Variants in MDGA2 observed in about 807,000 individuals in gnomAD.
The protein encoded by MDGA2 is MAM domain containing glycosylphosphatidylinositol anchor 2, also known as MAM domain-containing glycosylphosphatidylinositol anchor protein 2.
Under a neutral mutation model 117.8 loss-of-function variants are expected in MDGA2, and 40 were observed. That is an observed-to-expected ratio of 0.34 (90% CI 0.26 to 0.44). The LOEUF (loss-of-function observed/expected upper bound fraction) is 0.44, where lower values mean the gene tolerates loss of function less well. Among genes scored for constraint, MDGA2 ranks in the 20% least tolerant of loss-of-function variants. The probability of loss-of-function intolerance (pLI) is 1.00; values close to 1 mark genes in which losing one functional copy is unlikely to be tolerated. For synonymous variants in MDGA2, 452 were observed against 439.0 expected (o/e 1.03, Z -0.37); for missense variants, 1,123 against 1,250.6 (o/e 0.90, Z 1.54).
intron 14 of MDGA2, among the ~76,000 whole-genome samples, chr14:46,869,758 A>G (rs1881924863): frequency 6.6e-6 from 1 of 151,836 alleles, no homozygotes; most frequent in East Asian, 1.9e-4. Context: ...CTGGGCATGC[A>G]TTCTCTCTCT....
chr14:47,433,458 C>T (rs938793066), intron 1 of MDGA2, among the ~76,000 whole-genome samples: 1 of 152,114 alleles, frequency 6.6e-6, no homozygotes, highest in Admixed American at 6.6e-5. Context: ...TTTAAAATCA[C>T]TGTGAAAAAT....
chr14:47,435,414 A>G (rs1892877270), intron 1 of MDGA2, among the ~76,000 whole-genome samples: 1 of 151,982 alleles, frequency 6.6e-6, no homozygotes, highest in South Asian at 2.1e-4. Flanking sequence ...GATTGTGCAC[A>G]TTTTCACCTG....
At chr14:47,239,650 C>CCT (rs1886974664) in intron 2 of MDGA2, among the ~76,000 whole-genome samples, 1 of 151,740 alleles carries the variant, frequency 6.6e-6, no homozygotes, top group Non-Finnish European at 1.5e-5. Context: ...GGCTATTTTA[C>CCT]TATTACATTT....
At chr14:46,891,046 CAAAG>C (rs1170384206) in intron 10 of MDGA2, among the ~76,000 whole-genome samples, 3 of 151,976 alleles carry the variant, frequency 2.0e-5, no homozygotes, top group Middle Eastern at 3.5e-3. Context: ...AAGATGAAAA[CAAAG>C]ACTGTCATTT....
intron 3 of MDGA2, among the ~76,000 whole-genome samples, chr14:47,200,281 C>T (rs1404730538): frequency 6.6e-6 from 1 of 151,640 alleles, no homozygotes; most frequent in African/African-American, 2.4e-5. Context: ...TTATTTTTTG[C>T]TGAAGTAAAA....
At chr14:47,460,411 A>C (rs1893457622) in intron 1 of MDGA2, among the ~76,000 whole-genome samples, 1 of 152,154 alleles carries the variant, frequency 6.6e-6, no homozygotes, top group Admixed American at 6.6e-5. Flanking sequence ...AAACATAAGC[A>C]CTGTATTACA....
intron 3 of MDGA2, among the ~76,000 whole-genome samples, chr14:47,184,565 A>G (rs1884837743): frequency 1.3e-5 from 2 of 151,846 alleles, no homozygotes; most frequent in South Asian, 2.1e-4. Flanking sequence ...CAACATTTGC[A>G]TTTTTCAGAG....
At chr14:47,272,069 A>T (rs1566713851) in intron 2 of MDGA2, among the ~76,000 whole-genome samples, 1 of 152,058 alleles carries the variant, frequency 6.6e-6, no homozygotes, top group Non-Finnish European at 1.5e-5. Context: ...AATGCTTAGC[A>T]TTTTTTTTCT....
At chr14:47,084,808 T>C (rs1162245231) in intron 6 of MDGA2, among the ~76,000 whole-genome samples, 1 of 152,146 alleles carries the variant, frequency 6.6e-6, no homozygotes, top group African/African-American at 2.4e-5. Flanking sequence ...GCCAGAAGTG[T>C]GTCCTCACTA....
chr14:47,426,183 G>C lies in MDGA2; in HGVS notation c.281-124633C>G, dbSNP rs899693716. Among the ~76,000 whole-genome samples, 6 of 152,228 alleles carry C rather than the reference G, an allele frequency of 3.9e-5. No individual in the cohort carries two copies. The East Asian group carries it at 1.2e-3, about 29-fold the overall frequency. The stretch of plus-strand genomic sequence containing the variant: ...TGTATACTTCACAAAGTATTTGCTA[G>C]AGGATATCACATTTCTGCCCACTAA... On this transcript the variant is annotated intron_variant, in intron 1 of 16. Coordinates refer to ENST00000399232, the MANE Select transcript of MDGA2 (RefSeq NM_001113498.3).
chr14:47,051,359 T>C (rs942831353), intron 7 of MDGA2, among the ~76,000 whole-genome samples: 1 of 151,982 alleles, frequency 6.6e-6, no homozygotes, highest in African/African-American at 2.4e-5. Flanking sequence ...TAATCTTTTA[T>C]TTTCTTTTTA....
chr14:46,959,251 ATGTGTGTGTGTGTGTGTGTGTG>A (rs3985119), intron 8 of MDGA2, among the ~76,000 whole-genome samples: 1,782 of 140,232 alleles, frequency 0.013, 32 homozygotes, highest in African/African-American at 0.033. Context: ...AATGCTATAT[ATGTGTGTGTGTGTGTGTGTGTG>A]TGTGTGTGTG....
intron 5 of MDGA2, among the ~76,000 whole-genome samples, chr14:47,109,533 A>C (rs2139048235): frequency 6.6e-6 from 1 of 152,332 alleles, no homozygotes; most frequent in African/African-American, 2.4e-5. Context: ...CAGCACCCAG[A>C]AGAGTATTTG....
intron 6 of MDGA2, among the ~76,000 whole-genome samples, chr14:47,075,569 T>C (rs1234286713): frequency 6.6e-6 from 1 of 152,206 alleles, no homozygotes; most frequent in Non-Finnish European, 1.5e-5. Context: ...AAAATTTCCA[T>C]ATTTTAATAA....
At chr14:47,363,593 A>T (rs2138375797) in intron 1 of MDGA2, among the ~76,000 whole-genome samples, 1 of 152,266 alleles carries the variant, frequency 6.6e-6, no homozygotes, top group African/African-American at 2.4e-5. Flanking sequence ...ATACTGACAC[A>T]AATTTCAAAC....
At chr14:47,154,293 A>T (rs1883279048) in intron 3 of MDGA2, among the ~76,000 whole-genome samples, 1 of 152,226 alleles carries the variant, frequency 6.6e-6, no homozygotes, top group African/African-American at 2.4e-5. Context: ...TGATGGCAGC[A>T]GTGGCCCCAT....
chr14:46,895,188 A>G (rs1367754035), intron 10 of MDGA2, among the ~76,000 whole-genome samples: 2 of 152,084 alleles, frequency 1.3e-5, no homozygotes, highest in Admixed American at 6.5e-5. Flanking sequence ...GTGTGGGAGG[A>G]ACCCAGTGGG....
chr14:47,201,089 C>A, intron 3 of MDGA2: 1 of 914,404 alleles, frequency 1.1e-6, no homozygotes, highest in Non-Finnish European at 1.8e-6. Flanking sequence ...AGCACCAAGA[C>A]CTGCACCTCC....
At chr14:47,663,109 T>C (rs1441657068) in intron 1 of MDGA2, among the ~76,000 whole-genome samples, 1 of 151,770 alleles carries the variant, frequency 6.6e-6, no homozygotes, top group Non-Finnish European at 1.5e-5. Context: ...AAGGAACGAG[T>C]TCAGAACTGA....
Sources: allele counts gnomAD v4.1 joint callset (sites outside exome capture counted in the v4.1 genomes callset), GRCh38; gene constraint gnomAD v4.1.1; transcripts MANE v1.5; gene names NCBI Gene and HGNC (gene_info 2026-07-23, HGNC 2026-07-21).